The following MGMT variants were observed in gnomAD, a reference collection of about 807,000 sequenced individuals.
The protein encoded by MGMT is methylated-DNA--protein-cysteine methyltransferase.
MGMT carries 14 observed loss-of-function variants against 15.9 expected under a neutral mutation model. The observed-to-expected ratio is 0.88, with a 90% CI of 0.58 to 1.37. MGMT has a LOEUF of 1.37. Among genes scored for constraint, MGMT ranks in the 40% most tolerant of loss-of-function variants. The pLI is 0.00. For missense variants in MGMT, 282 were observed against 268.1 expected (o/e 1.05, Z -0.36); for synonymous variants, 130 against 118.2 (o/e 1.10, Z -0.65).
intron 2 of MGMT, among the ~76,000 whole-genome samples, chr10:129,622,070 A>G (rs1319641431): frequency 4.6e-5 from 7 of 152,186 alleles, no homozygotes; most frequent in African/African-American, 1.4e-4. Flanking sequence ...GACTTGCTTA[A>G]TTTCCTCCTG....
intron 2 of MGMT, among the ~76,000 whole-genome samples, chr10:129,604,732 G>GCCCC (rs1478497597): frequency 1.3e-4 from 11 of 87,632 alleles, no homozygotes; most frequent in South Asian, 5.4e-4. Context: ...CCACCTCGCC[G>GCCCC]CCCCACCCCC....
At chr10:129,731,554 C>G (rs1848498378) in intron 3 of MGMT, among the ~76,000 whole-genome samples, 1 of 151,858 alleles carries the variant, frequency 6.6e-6, no homozygotes. Context: ...CGCCACCACA[C>G]CCGGCTGATT....
At chr10:129,575,741 C>T (rs1444045573) in intron 2 of MGMT, among the ~76,000 whole-genome samples, 1 of 151,836 alleles carries the variant, frequency 6.6e-6, no homozygotes, top group Admixed American at 6.6e-5. Context: ...TCAATGAATC[C>T]AGGAGCTGAT....
intron 2 of MGMT, among the ~76,000 whole-genome samples, chr10:129,675,435 A>C (rs1274338915): frequency 2.6e-5 from 4 of 152,182 alleles, no homozygotes; most frequent in Admixed American, 1.3e-4. Context: ...TTGCCGGAAG[A>C]GTTAGGAGTG....
Position 129,532,966 on chromosome 10 carries a change from G to A in MGMT, c.-12-3275G>A, listed in dbSNP as rs542915030. On this transcript the variant is annotated intron_variant, in intron 1 of 4. Transcript: ENST00000651593. The surrounding 1 kb of genome is among the most constrained non-coding windows in gnomAD (Gnocchi z 5.3). Reference sequence around the variant, plus strand: ...AGGCCGTCCCTTCCTGCAGCTGCTCGGACACTGGCACATGTTGGCAGGCGT... The same window carrying A: ...AGGCCGTCCCTTCCTGCAGCTGCTCAGACACTGGCACATGTTGGCAGGCGT... Among the ~76,000 whole-genome samples, 7 of 152,312 alleles carry A rather than the reference G, an allele frequency of 4.6e-5. No homozygotes were observed. The highest frequency in any genetic ancestry group is 7.2e-5 in the African/African-American group (3 of 41,582).
At chr10:129,580,796 C>T (rs1460096086) in intron 2 of MGMT, among the ~76,000 whole-genome samples, 1 of 152,246 alleles carries the variant, frequency 6.6e-6, no homozygotes, top group African/African-American at 2.4e-5. Flanking sequence ...CAGCTCAAGG[C>T]AGCAAGTGCC....
At chr10:129,530,757 G>A (rs1205910018) in intron 1 of MGMT, among the ~76,000 whole-genome samples, 1 of 152,234 alleles carries the variant, frequency 6.6e-6, no homozygotes, top group African/African-American at 2.4e-5. Flanking sequence ...AGGGCCCGAG[G>A]GTGGCTGTGT....
At chr10:129,564,852 C>T (rs913958327) in intron 2 of MGMT, among the ~76,000 whole-genome samples, 3 of 151,914 alleles carry the variant, frequency 2.0e-5, no homozygotes, top group African/African-American at 7.3e-5. Flanking sequence ...CAGGCCAGTT[C>T]CCGGGGCAGC....
In MGMT at chr10:129,487,915, G is replaced by A. The variant is rs182606715; in HGVS notation, c.-13+20619G>A. ...GTGTATATATATACCATATAGGGGTGTGTGTGTGTGTGTGTGTGTGTATAT... is the reference window on the plus strand; with the variant it reads ...GTGTATATATATACCATATAGGGGTATGTGTGTGTGTGTGTGTGTGTATAT... On this transcript the variant is annotated intron_variant, in intron 1 of 4. Coordinates refer to ENST00000651593, the MANE Select transcript of MGMT (RefSeq NM_002412.5). Among the ~76,000 whole-genome samples, 507 of 126,828 alleles carry A rather than the reference G, an allele frequency of 4.0e-3. 5 individuals are homozygous for A. Among genetic ancestry groups the A allele is most frequent in the African/African-American group, 0.014 (478 of 34,476 alleles). The allele number at this position is 126,828 out of a possible 152,430, so 83.2% of individuals were successfully genotyped here.
intron 2 of MGMT, among the ~76,000 whole-genome samples, chr10:129,704,735 A>AAAACAGTGTATGG (rs1485375341): frequency 2.6e-5 from 4 of 152,012 alleles, no homozygotes; most frequent in African/African-American, 9.7e-5. Context: ...TCCACCGTGA[A>AAAACAGTGTATGG]AAACAGTGTA....
intron 1 of MGMT, among the ~76,000 whole-genome samples, chr10:129,526,982 A>G (rs555708478): frequency 6.6e-6 from 1 of 152,170 alleles, no homozygotes; most frequent in Non-Finnish European, 1.5e-5. Flanking sequence ...TGAAAAATAA[A>G]TTTTTTTCTG....
rs1847054974 is a variant in MGMT, at chr10:129,618,568, T to C, written c.125+82191T>C. ...GATTTTCATTCAACTGCATTCAATCTATAGATCTATTTGCAGAGATATTTC... is the reference window on the plus strand; with the variant it reads ...GATTTTCATTCAACTGCATTCAATCCATAGATCTATTTGCAGAGATATTTC... On this transcript the variant is annotated intron_variant, in intron 2 of 4. Transcript: ENST00000651593. 1.3e-5 allele frequency among the ~76,000 whole-genome samples: 2 copies of C among 152,086 alleles called. 1 individual carries two copies.
intron 2 of MGMT, among the ~76,000 whole-genome samples, chr10:129,542,789 A>G (rs904052345): frequency 3.9e-5 from 6 of 152,054 alleles, no homozygotes. Context: ...CGAGCCTGGA[A>G]CCCCTTGTTC....
chr10:129,559,764 G>T (rs1846256177), intron 2 of MGMT, among the ~76,000 whole-genome samples: 1 of 151,902 alleles, frequency 6.6e-6, no homozygotes, highest in South Asian at 2.1e-4. Context: ...AATTTTATTA[G>T]GTCCTTTTAA....
chr10:129,577,267 G>T (rs866292736), intron 2 of MGMT, among the ~76,000 whole-genome samples: 3 of 145,352 alleles, frequency 2.1e-5, no homozygotes, highest in Non-Finnish European at 4.6e-5. Flanking sequence ...GAGGCATCAC[G>T]CTACCTGACT....
intron 1 of MGMT, among the ~76,000 whole-genome samples, chr10:129,520,724 A>G (rs1476421235): frequency 3.4e-5 from 5 of 148,876 alleles, no homozygotes; most frequent in African/African-American, 1.0e-4. Flanking sequence ...CAGACCCCCT[A>G]TGGTGCGGGT....
chr10:129,575,054 T>C (rs1352055863), intron 2 of MGMT, among the ~76,000 whole-genome samples: 2 of 151,912 alleles, frequency 1.3e-5, no homozygotes, highest in Non-Finnish European at 2.9e-5. Flanking sequence ...CAGAAGTGAA[T>C]AGAAGATTAG....
intron 1 of MGMT, among the ~76,000 whole-genome samples, chr10:129,507,696 A>G (rs1845639920): frequency 6.6e-6 from 1 of 152,196 alleles, no homozygotes; most frequent in African/African-American, 2.4e-5. Flanking sequence ...GGCCAAAATG[A>G]CAAATGGATT....
intron 2 of MGMT, among the ~76,000 whole-genome samples, chr10:129,551,057 C>T (rs1324350870): frequency 6.6e-6 from 1 of 152,184 alleles, no homozygotes; most frequent in Admixed American, 6.5e-5. Flanking sequence ...CGTTCCCTAT[C>T]AGAAACCCGA....
Sources: gnomAD v4.1 joint callset for allele counts (sites outside exome capture counted in the v4.1 genomes callset) on GRCh38, gnomAD v4.1.1 for gene constraint, Gnocchi (gnomAD v3.1) non-coding constraint, MANE v1.5 for transcripts, NCBI Gene and HGNC (gene_info 2026-07-23, HGNC 2026-07-21) for gene names.